CADPS2: variants seen among roughly 807,000 people sequenced by gnomAD.
The protein encoded by CADPS2 is calcium dependent secretion activator 2.
CADPS2 carries 93 observed loss-of-function variants against 172.5 expected under a neutral mutation model. The ratio of observed to expected loss-of-function variants is 0.54; its 90% CI spans 0.46 to 0.64. CADPS2 has a LOEUF of 0.64. Ranked by LOEUF, CADPS2 falls within the 30% of genes least tolerant of loss-of-function variation. The pLI is 0.00. For missense variants in CADPS2, 1,420 were observed against 1,565.9 expected (o/e 0.91, Z 1.57); for synonymous variants, 546 against 555.2 (o/e 0.98, Z 0.23).
intron 1 of CADPS2, among the ~76,000 whole-genome samples, chr7:122,833,264 C>T (rs1461399441): frequency 6.6e-6 from 1 of 152,178 alleles, no homozygotes; most frequent in Admixed American, 6.5e-5. Context: ...TTAAGTACTA[C>T]TAAAATTGAC....
At chr7:122,840,433 A>T (rs1204880518) in intron 1 of CADPS2, among the ~76,000 whole-genome samples, 4 of 152,184 alleles carry the variant, frequency 2.6e-5, no homozygotes, top group African/African-American at 9.7e-5. Context: ...TATAATTTAA[A>T]AAAAGAAAAA....
intron 1 of CADPS2, among the ~76,000 whole-genome samples, chr7:122,773,628 A>AT (rs2093774449): frequency 6.7e-6 from 1 of 148,924 alleles, no homozygotes; most frequent in Non-Finnish European, 1.5e-5. Flanking sequence ...CATACAAACT[A>AT]TTTTTATTTG....
intron 1 of CADPS2, among the ~76,000 whole-genome samples, chr7:122,777,257 G>A (rs548052008): frequency 9.9e-5 from 15 of 152,210 alleles, no homozygotes; most frequent in Non-Finnish European, 1.6e-4. Context: ...GCAGTCCAGG[G>A]AAGGGATGGC....
chr7:122,879,488 T>C (rs1399659750), intron 1 of CADPS2, among the ~76,000 whole-genome samples: 2 of 151,188 alleles, frequency 1.3e-5, no homozygotes, highest in South Asian at 4.2e-4. Flanking sequence ...TGAGCCAAGA[T>C]CACACCACTG....
intron 2 of CADPS2, among the ~76,000 whole-genome samples, chr7:122,695,046 AC>A (rs2084894766): frequency 6.6e-6 from 1 of 152,216 alleles, no homozygotes; most frequent in Admixed American, 6.5e-5. Flanking sequence ...TGAAAGGCTC[AC>A]ACTAGTGCAA....
intron 6 of CADPS2, among the ~76,000 whole-genome samples, chr7:122,589,879 T>C (rs1200147970): frequency 6.6e-6 from 1 of 151,916 alleles, no homozygotes; most frequent in East Asian, 1.9e-4. Context: ...TAAACGTATA[T>C]TTTAAAGGTT....
At chr7:122,576,593 C>T (rs1046093985) in intron 7 of CADPS2, among the ~76,000 whole-genome samples, 2 of 152,128 alleles carry the variant, frequency 1.3e-5, no homozygotes, top group African/African-American at 4.8e-5. Flanking sequence ...CAAATACATA[C>T]AAGTATGCAT....
At chr7:122,534,213 T>G (rs943909600) in intron 8 of CADPS2, among the ~76,000 whole-genome samples, 7 of 152,112 alleles carry the variant, frequency 4.6e-5, no homozygotes, top group Non-Finnish European at 1.0e-4. Flanking sequence ...CTAGACAACT[T>G]TAATATGAGG....
At chr7:122,323,823 C>T (rs1250881410) in intron 29 of CADPS2, among the ~76,000 whole-genome samples, 1 of 121,264 alleles carries the variant, frequency 8.2e-6, no homozygotes, top group Non-Finnish European at 1.8e-5. Context: ...GCATAAAGTA[C>T]AACTGTTATG....
At chr7:122,420,440 C>T (rs1302553843) in intron 17 of CADPS2, among the ~76,000 whole-genome samples, 1 of 152,216 alleles carries the variant, frequency 6.6e-6, no homozygotes, top group Non-Finnish European at 1.5e-5. Context: ...AATAGCCACT[C>T]TAATACTTTA....
chr7:122,625,061 T>C (rs1301607653), intron 4 of CADPS2, among the ~76,000 whole-genome samples: 1 of 152,054 alleles, frequency 6.6e-6, no homozygotes, highest in Admixed American at 6.6e-5. Flanking sequence ...TTATTTTTTT[T>C]TTTTTTGAGA....
intron 2 of CADPS2, chr7:122,702,630 G>T (rs2086339450): frequency 5.0e-6 from 8 of 1,613,390 alleles, no homozygotes; most frequent in Non-Finnish European, 6.8e-6. Flanking sequence ...ATATTCAGGT[G>T]AGCTGTCCAA....
At chr7:122,671,186 C>G (rs896720783) in intron 2 of CADPS2, among the ~76,000 whole-genome samples, 1 of 152,128 alleles carries the variant, frequency 6.6e-6, no homozygotes. Context: ...ATCTCTTTTC[C>G]TCACTGGACA....
intron 1 of CADPS2, among the ~76,000 whole-genome samples, chr7:122,845,581 C>T (rs187905687): frequency 6.6e-6 from 1 of 152,166 alleles, no homozygotes; most frequent in African/African-American, 2.4e-5. Context: ...CCATTCTCCT[C>T]GCTACATCCC....
At chr7:122,806,554 A>C (rs1798837052) in intron 1 of CADPS2, among the ~76,000 whole-genome samples, 1 of 152,238 alleles carries the variant, frequency 6.6e-6, no homozygotes, top group Admixed American at 6.5e-5. Context: ...ATTGACAATC[A>C]GAGTCCTGCC....
At chr7:122,707,001 C>T (rs2087673739) in intron 2 of CADPS2, among the ~76,000 whole-genome samples, 1 of 151,516 alleles carries the variant, frequency 6.6e-6, no homozygotes, top group South Asian at 2.1e-4. Flanking sequence ...AGAGCTCTTT[C>T]CCTGGCTGAG....
intron 2 of CADPS2, among the ~76,000 whole-genome samples, chr7:122,715,190 T>C (rs2089411838): frequency 6.6e-6 from 1 of 152,182 alleles, no homozygotes; most frequent in Admixed American, 6.6e-5. Context: ...ATATCCCTTA[T>C]TCACATTGTT....
intron 1 of CADPS2, among the ~76,000 whole-genome samples, chr7:122,799,922 A>G (rs897396112): frequency 6.6e-6 from 1 of 152,180 alleles, no homozygotes; most frequent in African/African-American, 2.4e-5. Context: ...TTATATTCTC[A>G]CTTGGCCACT....
At chr7:122,567,660 A>C (rs1446990505) in intron 7 of CADPS2, among the ~76,000 whole-genome samples, 1 of 152,206 alleles carries the variant, frequency 6.6e-6, no homozygotes, top group Non-Finnish European at 1.5e-5. Context: ...AGTACAATGT[A>C]CAATGCATAA....
Sources: allele counts gnomAD v4.1 joint callset (sites outside exome capture counted in the v4.1 genomes callset), GRCh38; gene constraint gnomAD v4.1.1; transcripts MANE v1.5; gene names NCBI Gene and HGNC (gene_info 2026-07-23, HGNC 2026-07-21).